Variants in NUP160 observed in about 807,000 individuals in gnomAD.
NUP160 encodes nuclear pore complex protein Nup160.
NUP160 carries 94 observed loss-of-function variants against 196.9 expected under a neutral mutation model. That is an observed-to-expected ratio of 0.48 (90% confidence interval 0.40 to 0.57). NUP160 has a LOEUF of 0.57. Ranked by LOEUF, NUP160 falls within the 20% of genes least tolerant of loss-of-function variation. The pLI, the probability that NUP160 is intolerant of heterozygous loss-of-function variation, is 0.00. For synonymous variants in NUP160, 605 were observed against 619.7 expected (o/e 0.98, Z 0.35); for missense variants, 1,638 against 1,748.3 (o/e 0.94, Z 1.13).
At chr11:47,797,535 A>G (rs543742573) in intron 27 of NUP160, among the ~76,000 whole-genome samples, 1 of 152,260 alleles carries the variant, frequency 6.6e-6, no homozygotes, top group African/African-American at 2.4e-5. Flanking sequence ...CACTGCGCCC[A>G]GTGCTAATTT....
At chr11:47,834,250 C>G (rs1236267952) in intron 7 of NUP160, among the ~76,000 whole-genome samples, 5 of 151,962 alleles carry the variant, frequency 3.3e-5, no homozygotes, top group Non-Finnish European at 7.4e-5. Flanking sequence ...TTTAGTGTGA[C>G]AAACTAATTG....
At chr11:47,785,571 G>C (rs565166148) in intron 32 of NUP160, among the ~76,000 whole-genome samples, 10 of 152,230 alleles carry the variant, frequency 6.6e-5, no homozygotes, top group Admixed American at 2.6e-4. Context: ...TCCCACTAAC[G>C]TATTTAGTAT....
chr11:47,803,089 G>A (rs2097675210), intron 22 of NUP160, among the ~76,000 whole-genome samples: 1 of 151,088 alleles, frequency 6.6e-6, no homozygotes, highest in African/African-American at 2.4e-5. Flanking sequence ...AGGCCAAGGT[G>A]GGAGGATCGC....
intron 27 of NUP160, chr11:47,796,181 C>T (rs2097670805): frequency 3.4e-6 from 1 of 295,698 alleles, no homozygotes; most frequent in Non-Finnish European, 6.3e-6. Context: ...AAAGGAGCAG[C>T]TGCGGAAGCC....
intron 28 of NUP160, 174 bp downstream of exon 28, chr11:47,792,612 G>C: frequency 3.3e-6 from 2 of 611,866 alleles, no homozygotes; most frequent in Admixed American, 3.0e-5. Flanking sequence ...AAAACTAAAG[G>C]GGTAGTAATA....
intron 26 of NUP160, 38 bp from the exon 27 acceptor site, chr11:47,797,922 G>A (rs759039859): frequency 1.9e-6 from 3 of 1,560,084 alleles, no homozygotes; most frequent in South Asian, 2.2e-5. Flanking sequence ...TAAGTCAGTA[G>A]CAATCATGGC....
intron 27 of NUP160, among the ~76,000 whole-genome samples, chr11:47,793,728 T>G (rs2097669263): frequency 2.4e-4 from 4 of 16,686 alleles, no homozygotes; most frequent in African/African-American, 2.7e-4. Flanking sequence ...ATCTGTTTTT[T>G]TTTTTTTTTT....
intron 2 of NUP160, among the ~76,000 whole-genome samples, chr11:47,845,164 C>G (rs535219916): frequency 2.2e-4 from 34 of 152,086 alleles, no homozygotes; most frequent in Non-Finnish European, 3.8e-4. Context: ...TTTTGAGATG[C>G]AGTTTTGCTC....
chr11:47,821,952 G>T, intron 8 of NUP160, 131 bp from the exon 9 acceptor site: 1 of 986,940 alleles, frequency 1.0e-6, no homozygotes, highest in Non-Finnish European at 1.5e-6. Context: ...ATTTGGTAAA[G>T]TCTAAATGAA....
chr11:47,842,491 G>GAGGCCCTTGA (rs1383854925), intron 2 of NUP160, among the ~76,000 whole-genome samples: 6 of 152,046 alleles, frequency 3.9e-5, no homozygotes, highest in African/African-American at 1.4e-4. Flanking sequence ...CATGCCCTTT[G>GAGGCCCTTGA]GGGTGGGGCC....
rs1262664060 is a variant in NUP160 at position 47,818,085 on chromosome 11, T to C, written c.1402A>G (p.Thr468Ala). ...AAAGCCTTACATAAAGCTTCATTTG[T>C]GAATTGTCCTGGTGTAAAAAGACTT... The change falls in exon 11 of 36, where the codon ACA becomes GCA. Residue 468 changes from threonine to alanine, a missense_variant. Physicochemically the swap from Thr to Ala is moderately conservative, Grantham distance 58. Coordinates refer to ENST00000378460, the Ensembl canonical transcript of NUP160. 1 of 1,611,934 alleles carries C rather than the reference T, an allele frequency of 6.2e-7. No homozygotes were observed. Among genetic ancestry groups the C allele is most frequent in the Admixed American group, 1.7e-5 (1 of 59,988 alleles).
exon 5 of NUP160, chr11:47,837,578 C>T: frequency 2.5e-6 from 4 of 1,614,144 alleles, no homozygotes; most frequent in African/African-American, 1.3e-5. Flanking sequence ...TGTAAGCAAT[C>T]GTTGCATTAC....
At position 47,837,639 on chromosome 11, in the gene NUP160, A is replaced by C. The variant is rs200325689; in HGVS notation, c.749-16T>G. The C allele has an allele frequency of 4.1e-5, 66 of 1,607,026 alleles. No individual in the cohort carries two copies. In the African/African-American group the frequency reaches 7.1e-4, roughly 17 times the overall value. On this transcript the variant is annotated splice_polypyrimidine_tract_variant and intron_variant, in intron 4 of 35. Transcript: ENST00000378460. ...GACACCATACCTGCAATGATATCCA[A>C]GGCACCTCTTGAACACACTTAGAGA... is the stretch of plus-strand genomic sequence containing the variant.
At chr11:47,833,225 G>A (rs954460182) in intron 7 of NUP160, among the ~76,000 whole-genome samples, 4 of 152,146 alleles carry the variant, frequency 2.6e-5, no homozygotes, top group Non-Finnish European at 2.9e-5. Flanking sequence ...AGGCTGAGGC[G>A]GGTGGATCAC....
chr11:47,845,597 T>C (rs1795127256), intron 2 of NUP160, among the ~76,000 whole-genome samples: 1 of 152,248 alleles, frequency 6.6e-6, no homozygotes, highest in African/African-American at 2.4e-5. Flanking sequence ...GTTATTGTTG[T>C]TGTTGCCTAT....
intron 16 of NUP160, 31 bp downstream of exon 16, chr11:47,812,270 CA>C: frequency 6.2e-7 from 1 of 1,613,534 alleles, no homozygotes; most frequent in Non-Finnish European, 8.5e-7. Context: ...TTGTTTTAAT[CA>C]AAGAGGCACA....
chr11:47,796,338 T>G, intron 27 of NUP160: 1 of 660,440 alleles, frequency 1.5e-6, no homozygotes, highest in Non-Finnish European at 2.7e-6. Flanking sequence ...CTGTGATCTG[T>G]GTTTGCCCTG....
At chr11:47,845,959 C>T (rs1852393319) in intron 2 of NUP160, among the ~76,000 whole-genome samples, 1 of 151,962 alleles carries the variant, frequency 6.6e-6, no homozygotes, top group Non-Finnish European at 1.5e-5. Flanking sequence ...AAGGCAAAAC[C>T]CCATCTCTAC....
At chr11:47,824,045 A>ATATG (rs1393141504) in intron 7 of NUP160, among the ~76,000 whole-genome samples, 1,018 of 98,304 alleles carry the variant, frequency 0.01, 27 homozygotes, top group East Asian at 0.024. Flanking sequence ...ATATATATAT[A>ATATG]TATATATACA....
Sources: gnomAD v4.1 joint callset for allele counts (sites outside exome capture counted in the v4.1 genomes callset) on GRCh38, gnomAD v4.1.1 for gene constraint, MANE v1.5 for transcripts, NCBI Gene and HGNC (gene_info 2026-07-23, HGNC 2026-07-21) for gene names.